The following ZDHHC14 variants were observed in gnomAD, a reference collection of about 807,000 sequenced individuals.
ZDHHC14 encodes the protein palmitoyltransferase ZDHHC14.
Under a neutral mutation model 47.7 loss-of-function variants are expected in ZDHHC14, and 16 were observed. The observed-to-expected ratio is 0.34, with a 90% CI of 0.23 to 0.51. ZDHHC14 has a LOEUF of 0.51. ZDHHC14 is among the 20% of genes least tolerant of loss of function. ZDHHC14 has a pLI of 0.97. For missense variants in ZDHHC14, 515 were observed against 662.5 expected (o/e 0.78, Z 2.44); for synonymous variants, 293 against 278.9 (o/e 1.05, Z -0.50).
At chr6:157,645,047 G>T (rs2114979700) in intron 5 of ZDHHC14, among the ~76,000 whole-genome samples, 1 of 152,230 alleles carries the variant, frequency 6.6e-6, no homozygotes, top group Non-Finnish European at 1.5e-5. Context: ...CTATCAAGCA[G>T]CTGAGGATGG....
chr6:157,414,558 G>C (rs914388995), intron 1 of ZDHHC14, among the ~76,000 whole-genome samples: 1 of 152,186 alleles, frequency 6.6e-6, no homozygotes, highest in African/African-American at 2.4e-5. Flanking sequence ...ATGACTATGA[G>C]ATGTTGACCA....
chr6:157,556,741 G>T (rs150605819), intron 2 of ZDHHC14, among the ~76,000 whole-genome samples: 1 of 152,244 alleles, frequency 6.6e-6, no homozygotes, highest in African/African-American at 2.4e-5. Flanking sequence ...GGGACACGAG[G>T]CTGGTGTTGA....
At chr6:157,393,799 A>G (rs1267780867) in intron 1 of ZDHHC14, among the ~76,000 whole-genome samples, 1 of 151,734 alleles carries the variant, frequency 6.6e-6, no homozygotes, top group Non-Finnish European at 1.5e-5. Context: ...ATTCTCCTGC[A>G]TCTTGTATCT....
At position 157,617,470 on chromosome 6, in the gene ZDHHC14, G is replaced by A. The variant is rs572892567; in HGVS notation, c.566-10879G>A. On this transcript the variant is annotated intron_variant, in intron 3 of 8. Coordinates refer to ENST00000359775, the MANE Select transcript of ZDHHC14 (RefSeq NM_024630.3). ...GGAACTGGCATCAATCCATGAAGCC[G>A]TTGGGTCCTGCTCATAGACACAGCT... 5.3e-5 allele frequency among the ~76,000 whole-genome samples: 8 copies of A among 152,254 alleles called. No individual in the cohort carries two copies. The South Asian group carries it at 1.0e-3, about 20-fold the overall frequency.
chr6:157,469,212 A>G (rs1040779715), intron 1 of ZDHHC14, among the ~76,000 whole-genome samples: 1 of 152,138 alleles, frequency 6.6e-6, no homozygotes, highest in African/African-American at 2.4e-5. Context: ...ACATTTCTTC[A>G]TCCTATCCCC....
chr6:157,491,596 G>T (rs1583702607), intron 1 of ZDHHC14, among the ~76,000 whole-genome samples: 1 of 152,236 alleles, frequency 6.6e-6, no homozygotes, highest in Non-Finnish European at 1.5e-5. Context: ...TTCTGTGAAT[G>T]AGCTGAATGT....
chr6:157,643,622 T>A (rs1330968843), intron 5 of ZDHHC14, among the ~76,000 whole-genome samples: 3 of 139,162 alleles, frequency 2.2e-5, no homozygotes, highest in Non-Finnish European at 4.7e-5. Flanking sequence ...TACTCCAGCC[T>A]GGGCAACAAA....
rs915430418 is a variant in ZDHHC14 at position 157,427,197 on chromosome 6, G to A, written c.245+44931G>A. ...GAGCACAGGAGGAAGGAGGAAGGGCGGGTGGAGGGGCAGCTGTGGGAGGGC... is the reference window on the plus strand; with the variant it reads ...GAGCACAGGAGGAAGGAGGAAGGGCAGGTGGAGGGGCAGCTGTGGGAGGGC... On this transcript the variant is annotated intron_variant, in intron 1 of 8. Transcript: ENST00000359775. The surrounding 1 kb of genome is among the most constrained non-coding windows in gnomAD (Gnocchi z 4.4). Among the ~76,000 whole-genome samples, 2 of 152,086 alleles carry A rather than the reference G, an allele frequency of 1.3e-5. No homozygotes were observed. Among genetic ancestry groups the A allele is most frequent in the African/African-American group, 2.4e-5 (1 of 41,394 alleles).
chr6:157,646,044 T>C (rs1429665758), intron 6 of ZDHHC14, among the ~76,000 whole-genome samples: 1 of 152,230 alleles, frequency 6.6e-6, no homozygotes, highest in East Asian at 1.9e-4. Flanking sequence ...TCTCTGTTTT[T>C]CCGACCACAT....
At chr6:157,382,529 G>T (rs902357634) in intron 1 of ZDHHC14, among the ~76,000 whole-genome samples, 1 of 152,288 alleles carries the variant, frequency 6.6e-6, no homozygotes, top group East Asian at 1.9e-4. Context: ...AATCCAGGTG[G>T]CGGATGGGAC....
intron 2 of ZDHHC14, among the ~76,000 whole-genome samples, chr6:157,555,055 G>A (rs9505869): frequency 0.47 from 71,711 of 152,028 alleles, 17,074 homozygotes; most frequent in Middle Eastern, 0.55. Flanking sequence ...CAGACTGGGT[G>A]ACGGTTGCCC....
At chr6:157,667,119 T>C (rs1340548351) in intron 8 of ZDHHC14, among the ~76,000 whole-genome samples, 2 of 152,230 alleles carry the variant, frequency 1.3e-5, no homozygotes, top group South Asian at 2.1e-4. Flanking sequence ...CAACCTAATA[T>C]TTGATACATA....
chr6:157,660,962 G>A lies in ZDHHC14; in HGVS notation c.1068+7335G>A, dbSNP rs867735571. On this transcript the variant is annotated intron_variant, in intron 8 of 8. Transcript: ENST00000359775. ...TGTGCTAGAATGTGACAGACTGTTG[G>A]GGGAGGGGCAGGGGAGCTTTGACAA... Among the ~76,000 whole-genome samples, 11 of 152,334 alleles carry A rather than the reference G, an allele frequency of 7.2e-5. 1 individual carries two copies. The highest frequency in any genetic ancestry group is 3.4e-3 in the Middle Eastern group (1 of 294).
chr6:157,386,401 A>G (rs190867455), intron 1 of ZDHHC14, among the ~76,000 whole-genome samples: 55 of 152,310 alleles, frequency 3.6e-4, no homozygotes, highest in East Asian at 5.8e-4. Flanking sequence ...GTGTGAGTCC[A>G]GGGAACCTCT....
At chr6:157,422,742 A>G (rs1778136984) in intron 1 of ZDHHC14, among the ~76,000 whole-genome samples, 1 of 152,238 alleles carries the variant, frequency 6.6e-6, no homozygotes, top group South Asian at 2.1e-4. Context: ...GAGATAGTAC[A>G]GTAATAGCAT....
rs183921523 is a variant in ZDHHC14 at position 157,545,488 on chromosome 6, A to G, written c.406+2743A>G. 1.5e-3 allele frequency among the ~76,000 whole-genome samples: 232 copies of G among 152,152 alleles called. 1 individual carries two copies. Among genetic ancestry groups the G allele is most frequent in the African/African-American group, 5.2e-3 (217 of 41,536 alleles). The stretch of plus-strand genomic sequence containing the variant: ...TCAGGAGATCGAGATCATCCTGGCT[A>G]ACACAGTGAAACCCCGTCTCTACTA... On this transcript the variant is annotated intron_variant, in intron 2 of 8. Coordinates refer to ENST00000359775, the MANE Select transcript of ZDHHC14 (RefSeq NM_024630.3).
chr6:157,512,683 AAAAG>A (rs928410905), intron 1 of ZDHHC14, among the ~76,000 whole-genome samples: 10 of 152,240 alleles, frequency 6.6e-5, no homozygotes, highest in East Asian at 1.9e-4. Context: ...TTCTCCACAA[AAAAG>A]AAAGAAAGAA....
At chr6:157,535,481 G>A (rs1006908960) in intron 1 of ZDHHC14, among the ~76,000 whole-genome samples, 4 of 152,206 alleles carry the variant, frequency 2.6e-5, no homozygotes, top group African/African-American at 9.6e-5. Context: ...TGAACATCAA[G>A]TTTGTAGTCT....
chr6:157,428,005 G>A (rs967990593), intron 1 of ZDHHC14, among the ~76,000 whole-genome samples: 11 of 152,018 alleles, frequency 7.2e-5, no homozygotes, highest in African/African-American at 2.7e-4. Context: ...TGTGAAGGAG[G>A]AATAGGGATC....
Sources: allele counts gnomAD v4.1 joint callset (sites outside exome capture counted in the v4.1 genomes callset), GRCh38; gene constraint gnomAD v4.1.1; non-coding constraint Gnocchi (gnomAD v3.1); transcripts MANE v1.5; gene names NCBI Gene and HGNC (gene_info 2026-07-23, HGNC 2026-07-21).